ANXA4: variants seen among roughly 807,000 people sequenced by gnomAD.
ANXA4 encodes the protein 35-beta calcimedin.
Under a neutral mutation model 49.8 loss-of-function variants are expected in ANXA4, and 39 were observed. The ratio of observed to expected loss-of-function variants is 0.78; its 90% CI spans 0.61 to 1.02. ANXA4 has a LOEUF of 1.02. ANXA4 is among the 50% of genes least tolerant of loss of function. The pLI, the probability that ANXA4 is intolerant of heterozygous loss-of-function variation, is 0.00. For synonymous variants in ANXA4, 134 were observed against 152.5 expected (o/e 0.88, Z 0.89); for missense variants, 360 against 410.1 (o/e 0.88, Z 1.05).
intron 2 of ANXA4, among the ~76,000 whole-genome samples, chr2:69,670,166 A>G (rs1559062633): frequency 6.6e-6 from 1 of 152,144 alleles, no homozygotes; most frequent in Non-Finnish European, 1.5e-5. Flanking sequence ...ATGGCCAGGC[A>G]CGGTGGCTCA....
chr2:69,645,017 T>G (rs890961599), intron 1 of ANXA4: 2 of 152,234 alleles, frequency 1.3e-5, no homozygotes, highest in African/African-American at 4.8e-5. Flanking sequence ...AATATTATTT[T>G]TCTAACCCCT....
chr2:69,658,733 C>T (rs1367856426), intron 2 of ANXA4, among the ~76,000 whole-genome samples: 3 of 152,102 alleles, frequency 2.0e-5, no homozygotes, highest in African/African-American at 7.2e-5. Context: ...CTCGCTCTGT[C>T]GCCCAGGCTG....
intron 3 of ANXA4, among the ~76,000 whole-genome samples, chr2:69,790,366 T>A (rs1305939965): frequency 6.6e-6 from 1 of 151,984 alleles, no homozygotes; most frequent in Admixed American, 6.6e-5. Flanking sequence ...GGGGTTGATT[T>A]AAGGGTCCCT....
At chr2:69,805,335 G>A (rs1673397275) in intron 4 of ANXA4, among the ~76,000 whole-genome samples, 1 of 152,094 alleles carries the variant, frequency 6.6e-6, no homozygotes, top group Admixed American at 6.5e-5. Flanking sequence ...TGGGTGTGGT[G>A]GCTCACACCT....
intron 1 of ANXA4, among the ~76,000 whole-genome samples, chr2:69,746,327 A>T (rs1670611301): frequency 6.6e-6 from 1 of 152,144 alleles, no homozygotes; most frequent in South Asian, 2.1e-4. Context: ...GTTCTTTATT[A>T]TACCAATCAC....
intron 2 of ANXA4, among the ~76,000 whole-genome samples, chr2:69,675,114 G>T (rs1249624170): frequency 6.6e-6 from 1 of 151,996 alleles, no homozygotes; most frequent in Non-Finnish European, 1.5e-5. Flanking sequence ...AGTAGAGACG[G>T]GGTTTCACTG....
chr2:69,651,800 CT>C (rs78927191), intron 1 of ANXA4, among the ~76,000 whole-genome samples: 2,712 of 56,534 alleles, frequency 0.048, 51 homozygotes, highest in Middle Eastern at 0.12. Context: ...CCGCGCCCGG[CT>C]TTTTTTTTTT....
At chr2:69,771,017 T>C (rs1428968597) in intron 1 of ANXA4, among the ~76,000 whole-genome samples, 2 of 135,392 alleles carry the variant, frequency 1.5e-5, no homozygotes, top group Non-Finnish European at 3.0e-5. Context: ...TCTCTTGAGC[T>C]AAGTAGTTCG....
intron 2 of ANXA4, among the ~76,000 whole-genome samples, chr2:69,670,741 G>A (rs909850128): frequency 3.3e-5 from 5 of 151,936 alleles, no homozygotes; most frequent in African/African-American, 1.2e-4. Context: ...AATCAATTCA[G>A]GGTCAGGCGT....
chr2:69,663,031 C>T (rs182500264), intron 2 of ANXA4, among the ~76,000 whole-genome samples: 516 of 127,448 alleles, frequency 4.0e-3, no homozygotes, highest in Non-Finnish European at 6.7e-3. Flanking sequence ...CTCCCTCTGT[C>T]ACCCAGGCTG....
intron 1 of ANXA4, among the ~76,000 whole-genome samples, chr2:69,753,934 G>C (rs73935693): frequency 0.012 from 1,871 of 152,288 alleles, 42 homozygotes; most frequent in African/African-American, 0.042. Context: ...CTCATAGGTG[G>C]GGTTAAATCT....
Position 69,821,309 on chromosome 2 carries a change from T to A in ANXA4, c.906+488T>A, listed in dbSNP as rs151231024. Among the ~76,000 whole-genome samples, 17 of 152,286 alleles carry A rather than the reference T, an allele frequency of 1.1e-4. No homozygotes were observed. In the East Asian group the frequency reaches 3.3e-3, roughly 29 times the overall value. ...CCAGGCATTCCTGGGATTTTGTTTC[T>A]TGAGGATGCTGGAAGAGTCTCATGG... On this transcript the variant is annotated intron_variant, in intron 12 of 12. Coordinates refer to ENST00000394295, the MANE Select transcript of ANXA4 (RefSeq NM_001153.5).
intron 2 of ANXA4, among the ~76,000 whole-genome samples, chr2:69,659,060 G>A (rs1205605078): frequency 2.0e-5 from 3 of 152,140 alleles, no homozygotes; most frequent in African/African-American, 2.4e-5. Context: ...TTATGAAAAT[G>A]TATCTAGTTA....
chr2:69,694,576 A>G (rs1048105798), intron 2 of ANXA4, among the ~76,000 whole-genome samples: 1 of 121,788 alleles, frequency 8.2e-6, no homozygotes, highest in East Asian at 2.5e-4. Flanking sequence ...TCCTGTGTCC[A>G]TGTGTTCTCA....
intron 2 of ANXA4, among the ~76,000 whole-genome samples, chr2:69,675,859 TAAAAATACAA>T (rs1451403811): frequency 6.6e-6 from 1 of 151,716 alleles, no homozygotes; most frequent in Non-Finnish European, 1.5e-5. Context: ...CTGTCTCTAC[TAAAAATACAA>T]AAAATTAGCC....
At chr2:69,685,933 T>C (rs775064805) in intron 2 of ANXA4, among the ~76,000 whole-genome samples, 1 of 152,146 alleles carries the variant, frequency 6.6e-6, no homozygotes, top group Admixed American at 6.5e-5. Context: ...ACTGACTTTG[T>C]GGCACTGAAC....
chr2:69,806,485 G>T lies in ANXA4; in HGVS notation c.293G>T (p.Arg98Leu), dbSNP rs765355321. The change falls in exon 5 of 13, where the codon CGA becomes CTA. Residue 98 changes from arginine to leucine, a missense_variant. By Grantham distance (102) the Arg-to-Leu change is moderately radical. Coordinates refer to ENST00000394295, the MANE Select transcript of ANXA4 (RefSeq NM_001153.5). ...PTVLYDVQEL[R>L]RAMKGAGTDE... ...GTGCTGTATGACGTGCAAGAGCTGC[G>T]AAGGGCCATGAAGGTCTGTGCTCTT... 2 of 1,613,370 alleles carry T rather than the reference G, an allele frequency of 1.2e-6. No homozygotes were observed. Among genetic ancestry groups the T allele is most frequent in the Admixed American group, 1.7e-5 (1 of 59,998 alleles).
chr2:69,818,556 C>T, intron 9 of ANXA4, 43 bp from the exon 10 acceptor site: 1 of 1,358,262 alleles, frequency 7.4e-7, no homozygotes, highest in Non-Finnish European at 1.0e-6. Context: ...TTAGTTTCCT[C>T]TGTTTTTTCT....
intron 2 of ANXA4, among the ~76,000 whole-genome samples, chr2:69,673,678 T>C (rs1677282881): frequency 1.4e-5 from 2 of 142,458 alleles, no homozygotes; most frequent in Non-Finnish European, 3.0e-5. Flanking sequence ...AAGAAACATT[T>C]TTTTCAAAGA....
Sources: allele counts gnomAD v4.1 joint callset (sites outside exome capture counted in the v4.1 genomes callset), GRCh38; gene constraint gnomAD v4.1.1; transcripts MANE v1.5; gene names NCBI Gene and HGNC (gene_info 2026-07-23, HGNC 2026-07-21).